MRC2: variants seen among roughly 807,000 people sequenced by gnomAD.
MRC2 encodes C-type mannose receptor 2.
MRC2 carries 84 observed loss-of-function variants against 206.2 expected under a neutral mutation model. The ratio of observed to expected loss-of-function variants is 0.41; its 90% CI spans 0.34 to 0.49. The LOEUF (loss-of-function observed/expected upper bound fraction) is 0.49. Among genes scored for constraint, MRC2 ranks in the 20% least tolerant of loss-of-function variants. MRC2 has a pLI of 0.31. For missense variants in MRC2, 1,676 were observed against 2,001.5 expected, an observed-to-expected ratio of 0.84 and a Z score of 3.10; for synonymous variants, 798 against 800.0, an observed-to-expected ratio of 1.00 and a Z score of 0.04.
chr17:62,648,456 A>G (rs2088517597), intron 1 of MRC2, among the ~76,000 whole-genome samples: 1 of 152,182 alleles, frequency 6.6e-6, no homozygotes, highest in Non-Finnish European at 1.5e-5. Context: ...TTTCCCTTCC[A>G]GCTGCGTTGT....
intron 1 of MRC2, among the ~76,000 whole-genome samples, chr17:62,648,862 T>C (rs1433656187): frequency 6.6e-6 from 1 of 152,218 alleles, no homozygotes; most frequent in African/African-American, 2.4e-5. Context: ...TCCCAGGCTC[T>C]CCGCTGTGAA....
chr17:62,689,841 G>A (rs1204869675), intron 24 of MRC2, 53 bp from the exon 25 acceptor site: 12 of 1,550,668 alleles, frequency 7.7e-6, no homozygotes, highest in Middle Eastern at 1.7e-4. Flanking sequence ...CGCCTTATCC[G>A]CACCCTATCC....
At chr17:62,676,356 C>T (rs1317413308) in intron 10 of MRC2, 27 bp from the exon 11 acceptor site, 8 of 1,612,162 alleles carry the variant, frequency 5.0e-6, no homozygotes, top group Non-Finnish European at 5.9e-6. Flanking sequence ...AGGGAGATCC[C>T]TGCCCTGACC....
intron 1 of MRC2, among the ~76,000 whole-genome samples, chr17:62,628,847 G>C (rs1202397860): frequency 6.6e-6 from 1 of 152,122 alleles, no homozygotes; most frequent in Non-Finnish European, 1.5e-5. Flanking sequence ...AGTGACCGGG[G>C]GAATCGCCCG....
chr17:62,674,605 C>T (rs976329678), intron 9 of MRC2, among the ~76,000 whole-genome samples: 2 of 152,182 alleles, frequency 1.3e-5, no homozygotes, highest in African/African-American at 2.4e-5. Context: ...GGTCTGTCTC[C>T]CCTGGAGGAG....
rs1476507962 is a variant in MRC2, at chr17:62,691,010, C to G, written c.4074C>G (p.Gly1358=). 1 of 1,609,172 alleles carries G rather than the reference C, an allele frequency of 6.2e-7. No homozygotes were observed. Among genetic ancestry groups the G allele is most frequent in the African/African-American group, 1.3e-5 (1 of 74,826 alleles). ...AVNYSNWGPP[G]LGPSMLSHNS... ...ACTACTCCAACTGGGGGCCCCCGGG[C>G]TTGGGCCCCAGCATGCTGAGCCACA... The change falls in exon 28 of 30, where the codon GGC becomes GGG. Residue 1358 remains glycine, a synonymous_variant. Transcript: ENST00000303375.
chr17:62,672,697 A>C lies in MRC2; in HGVS notation c.1461+545A>C, dbSNP rs1374700138. ...AAGCAGAGATGAAAGACCCTTAAAA[A>C]AGGGACAAAGCCAGCTGAGTGTGGT... is the stretch of plus-strand genomic sequence containing the variant. On this transcript the variant is annotated intron_variant, in intron 8 of 29. Coordinates refer to ENST00000303375, the MANE Select transcript of MRC2 (RefSeq NM_006039.5). This position sits in a 1 kb window ranked among gnomAD's most constrained non-coding sequence, Gnocchi z 4.5. Among the ~76,000 whole-genome samples, 1 of 152,176 alleles carries C rather than the reference A, an allele frequency of 6.6e-6. No homozygotes were observed. Among genetic ancestry groups the C allele is most frequent in the Non-Finnish European group, 1.5e-5 (1 of 68,024 alleles).
Position 62,671,937 on chromosome 17 carries a change from C to T in MRC2, c.1307-61C>T, listed in dbSNP as rs1350686436. 6.8e-6 allele frequency: 11 copies of T among 1,611,192 alleles called. No individual in the cohort carries two copies. The highest frequency in any genetic ancestry group is 9.3e-6 in the Non-Finnish European group (11 of 1,177,918). The stretch of plus-strand genomic sequence containing the variant: ...CTCAGAGAATGTTCCTTCCTCCCTA[C>T]TGGTGGCTGAGGCTGACCTCTCAAT... On this transcript the variant is annotated intron_variant, in intron 7 of 29. Transcript: ENST00000303375. This position sits in a 1 kb window ranked among gnomAD's most constrained non-coding sequence, Gnocchi z 4.5.
intron 1 of MRC2, among the ~76,000 whole-genome samples, chr17:62,636,102 A>T (rs1394264466): frequency 1.0e-3 from 157 of 150,046 alleles, no homozygotes; most frequent in South Asian, 4.2e-3. Flanking sequence ...TTTTTTTTTT[A>T]AATTAGCTGG....
chr17:62,690,613 G>C (rs4968626), intron 26 of MRC2, 29 bp from the exon 27 acceptor site: 2 of 1,573,246 alleles, frequency 1.3e-6, no homozygotes, highest in South Asian at 2.4e-5. Context: ...AGACCCATCC[G>C]CCCTGACGTG....
At chr17:62,636,101 T>A (rs1288407121) in intron 1 of MRC2, among the ~76,000 whole-genome samples, 3 of 151,092 alleles carry the variant, frequency 2.0e-5, no homozygotes, top group African/African-American at 4.9e-5. Flanking sequence ...TTTTTTTTTT[T>A]AAATTAGCTG....
chr17:62,640,017 C>CTTTTTTTTTTTTTTTTTTT (rs56703312), intron 1 of MRC2, among the ~76,000 whole-genome samples: 7 of 74,352 alleles, frequency 9.4e-5, no homozygotes, highest in African/African-American at 1.1e-4. Context: ...CCATGCCCAG[C>CTTTTTTTTTTTTTTTTTTT]TTTTTTTTTT....
chr17:62,631,160 CAGATATTCATTTG>C (rs1228228011), intron 1 of MRC2, among the ~76,000 whole-genome samples: 1 of 152,140 alleles, frequency 6.6e-6, no homozygotes, highest in Non-Finnish European at 1.5e-5. Flanking sequence ...AGTTCTCAGG[CAGATATTCATTTG>C]AGTTCCTCAT....
chr17:62,659,233 C>T (rs1047971377), intron 1 of MRC2, among the ~76,000 whole-genome samples: 1 of 152,090 alleles, frequency 6.6e-6, no homozygotes, highest in Non-Finnish European at 1.5e-5. Flanking sequence ...ATGCCATCAC[C>T]ATGGGGGTTT....
intron 1 of MRC2, among the ~76,000 whole-genome samples, chr17:62,641,473 C>A (rs1598968274): frequency 6.6e-6 from 1 of 152,260 alleles, no homozygotes; most frequent in East Asian, 1.9e-4. Flanking sequence ...CGGGAAGCAG[C>A]TTTGCAGTCA....
chr17:62,662,495 T>C (rs1338031391), intron 1 of MRC2, among the ~76,000 whole-genome samples: 5 of 152,226 alleles, frequency 3.3e-5, no homozygotes, highest in Non-Finnish European at 7.3e-5. Flanking sequence ...TGCCAGATCC[T>C]GTTCCAAATG....
chr17:62,645,502 TA>T (rs796396282), intron 1 of MRC2, among the ~76,000 whole-genome samples: 10 of 65,546 alleles, frequency 1.5e-4, no homozygotes, highest in African/African-American at 5.7e-4. Flanking sequence ...ATATATTATA[TA>T]TATATATATA....
Position 62,680,960 on chromosome 17 carries a change from G to A in MRC2, c.2634G>A (p.Lys878=), listed in dbSNP as rs1419574960. The part of the protein sequence containing the change: ...ELDFLSHNLQ[K]FSRAQEQHWW... Reference sequence around the variant, plus strand: ...ACTTCCTGAGCCACAACTTGCAGAAGGTGGGCATTGGATTGAGCAGGGGGC... The same window carrying A: ...ACTTCCTGAGCCACAACTTGCAGAAAGTGGGCATTGGATTGAGCAGGGGGC... The change falls in exon 17 of 30, where the codon AAG becomes AAA. Residue 878 remains lysine, a splice_region_variant and synonymous_variant. Transcript: ENST00000303375. This position sits in a 1 kb window ranked among gnomAD's most constrained non-coding sequence, Gnocchi z 4.8. The A allele has an allele frequency of 6.2e-7, 1 of 1,612,872 alleles. No individual in the cohort carries two copies. The highest frequency in any genetic ancestry group is 1.1e-5 in the South Asian group (1 of 91,040).
At chr17:62,644,088 T>G (rs1420815589) in intron 1 of MRC2, among the ~76,000 whole-genome samples, 1 of 152,188 alleles carries the variant, frequency 6.6e-6, no homozygotes, top group Non-Finnish European at 1.5e-5. Flanking sequence ...ATATATTATT[T>G]AACAGGGGTG....
Sources: allele counts gnomAD v4.1 joint callset (sites outside exome capture counted in the v4.1 genomes callset), GRCh38; gene constraint gnomAD v4.1.1; non-coding constraint Gnocchi (gnomAD v3.1); transcripts MANE v1.5; gene names NCBI Gene and HGNC (gene_info 2026-07-23, HGNC 2026-07-21).